SULT2A1: variants seen among roughly 807,000 people sequenced by gnomAD.
The protein encoded by SULT2A1 is sulfotransferase family 2A member 1.
Under a neutral mutation model 33.9 loss-of-function variants are expected in SULT2A1, and 43 were observed. The ratio of observed to expected loss-of-function variants is 1.27; its 90% CI spans 1.00 to 1.64. The LOEUF is 1.64. Among genes scored for constraint, SULT2A1 ranks in the 40% most tolerant of loss-of-function variants. The pLI is 0.00. For synonymous variants in SULT2A1, 125 were observed against 113.6 expected, an observed-to-expected ratio of 1.10 and a Z score of -0.64; for missense variants, 300 against 335.1, an observed-to-expected ratio of 0.90 and a Z score of 0.82.
intron 4 of SULT2A1, 128 bp from the exon 5 acceptor site, chr19:47,874,962 G>C (rs296362): frequency 0.73 from 551,882 of 755,574 alleles, 201,997 homozygotes; most frequent in Admixed American, 0.83. Context: ...AGGAGTTCGA[G>C]ACTAGCCTGG....
chr19:47,880,628 C>T (rs1481236627), intron 3 of SULT2A1, among the ~76,000 whole-genome samples: 1 of 151,340 alleles, frequency 6.6e-6, no homozygotes, highest in Non-Finnish European at 1.5e-5. Context: ...ACTCTGTCAC[C>T]CAGGCTGTAG....
At chr19:47,876,991 C>A (rs986446736) in intron 4 of SULT2A1, among the ~76,000 whole-genome samples, 2 of 148,386 alleles carry the variant, frequency 1.3e-5, no homozygotes, top group East Asian at 4.1e-4. Context: ...GCAGAAGAAT[C>A]GCTTGAACCC....
At chr19:47,879,367 G>A (rs1968579921) in intron 3 of SULT2A1, among the ~76,000 whole-genome samples, 1 of 152,164 alleles carries the variant, frequency 6.6e-6, no homozygotes, top group South Asian at 2.1e-4. Flanking sequence ...CTGCTGTGAA[G>A]AACTGCCCAA....
intron 3 of SULT2A1, among the ~76,000 whole-genome samples, chr19:47,881,756 A>G (rs568422950): frequency 6.6e-6 from 1 of 152,242 alleles, no homozygotes; most frequent in South Asian, 2.1e-4. Flanking sequence ...GCGGAAGGTC[A>G]GGATTGTGTT....
chr19:47,886,277 G>A lies in SULT2A1; in HGVS notation c.-20C>T, dbSNP rs769820998. 322 of 1,613,138 alleles carry A rather than the reference G, an allele frequency of 2.0e-4. No individual in the cohort carries two copies. Among genetic ancestry groups the A allele is most frequent in the Non-Finnish European group, 2.6e-4 (303 of 1,179,538 alleles). On this transcript the variant is annotated 5_prime_UTR_variant, in exon 1 of 6. It adds an upstream start codon to the 5' untranslated region. Coordinates refer to ENST00000222002, the MANE Select transcript of SULT2A1 (RefSeq NM_003167.4). Reference sequence around the variant, plus strand: ...CGACATGATGATGACCTCTTCCTGCGTGGTGTGAGGGTTTCAACTGTAGCC... The same window carrying A: ...CGACATGATGATGACCTCTTCCTGCATGGTGTGAGGGTTTCAACTGTAGCC...
chr19:47,879,901 C>T (rs1392272026), intron 3 of SULT2A1, among the ~76,000 whole-genome samples: 3 of 150,196 alleles, frequency 2.0e-5, no homozygotes, highest in Non-Finnish European at 4.4e-5. Flanking sequence ...ACGTTGTGCA[C>T]ATGTACCCTA....
chr19:47,874,764 A>C lies in SULT2A1; in HGVS notation c.638T>G (p.Leu213Ter). 1 of 1,614,110 alleles carries C rather than the reference A, an allele frequency of 6.2e-7. No individual in the cohort carries two copies. The change falls in exon 5 of 6, where the codon TTA becomes TGA. Residue 213 changes from leucine to a stop codon, truncating the protein, a stop_gained. Coordinates refer to ENST00000222002, the MANE Select transcript of SULT2A1 (RefSeq NM_003167.4). LOFTEE classifies it high-confidence loss of function. ...GKTLEPEELN[L>*]ILKNSSFQSM... Reference sequence around the variant, plus strand: ...CTGAAAGGAGCTGTTCTTGAGAATTAAGTTCAGTTCTTCGGGTTCTAACGT... The same window carrying C: ...CTGAAAGGAGCTGTTCTTGAGAATTCAGTTCAGTTCTTCGGGTTCTAACGT...
intron 3 of SULT2A1, among the ~76,000 whole-genome samples, chr19:47,880,251 A>AC (rs1336254427): frequency 6.6e-6 from 1 of 150,558 alleles, no homozygotes; most frequent in Non-Finnish European, 1.5e-5. Context: ...AAAAAAAAAA[A>AC]AAAAAAACCT....
chr19:47,873,046 G>A (rs1968507855), intron 5 of SULT2A1, among the ~76,000 whole-genome samples: 1 of 151,896 alleles, frequency 6.6e-6, no homozygotes, highest in Non-Finnish European at 1.5e-5. Context: ...ACAGGCGTGA[G>A]CCACCGTACC....
At chr19:47,879,767 C>T (rs1323708749) in intron 3 of SULT2A1, among the ~76,000 whole-genome samples, 3 of 112,490 alleles carry the variant, frequency 2.7e-5, no homozygotes, top group South Asian at 5.6e-4. Context: ...CATCACACAC[C>T]GGGGCCTGTC....
intron 2 of SULT2A1, among the ~76,000 whole-genome samples, chr19:47,882,498 G>A (rs1968613399): frequency 6.6e-6 from 1 of 152,238 alleles, no homozygotes; most frequent in South Asian, 2.1e-4. Context: ...GGTGAGTGAT[G>A]TATATTTGTG....
chr19:47,876,954 G>A (rs922155161), intron 4 of SULT2A1, among the ~76,000 whole-genome samples: 1 of 149,752 alleles, frequency 6.7e-6, no homozygotes, highest in South Asian at 2.1e-4. Flanking sequence ...GCGTGCATCT[G>A]TAGTCCCAGC....
chr19:47,876,091 C>T (rs1968541301), intron 4 of SULT2A1, among the ~76,000 whole-genome samples: 2 of 152,200 alleles, frequency 1.3e-5, no homozygotes, highest in South Asian at 4.1e-4. Context: ...TCTCAGCTCA[C>T]TGCAACCTCC....
Position 47,882,088 on chromosome 19 carries a change from T to G in SULT2A1, c.468A>C (p.Gly156=), listed in dbSNP as rs146540182. 1.5e-5 allele frequency: 24 copies of G among 1,613,656 alleles called. No individual in the cohort carries two copies. The East Asian group carries it at 5.1e-4, about 34-fold the overall frequency. ...WEEYFEWFCQ[G]TVLYGSWFDH... ...CATATTTTGTGAAACACTCACCAGT[T>G]CCTTGACAAAACCATTCAAAATATT... The change falls in exon 3 of 6, where the codon GGA becomes GGC. Residue 156 remains glycine, a synonymous_variant. Transcript: ENST00000222002.
chr19:47,883,513 A>C, intron 2 of SULT2A1, 64 bp downstream of exon 2: 1 of 1,482,646 alleles, frequency 6.7e-7, no homozygotes, highest in Non-Finnish European at 9.4e-7. Flanking sequence ...TCTCCAGATG[A>C]CTTATAGGCA....
intron 1 of SULT2A1, among the ~76,000 whole-genome samples, chr19:47,884,570 G>A (rs1273583292): frequency 6.7e-6 from 1 of 149,870 alleles, no homozygotes; most frequent in Non-Finnish European, 1.5e-5. Context: ...CCTTGAACTC[G>A]GGCTCAAGTG....
At chr19:47,883,482 G>A in intron 2 of SULT2A1, 95 bp downstream of exon 2, 4 of 1,243,820 alleles carry the variant, frequency 3.2e-6, no homozygotes, top group South Asian at 1.3e-5. Context: ...ACCTGTTGAA[G>A]GAGAATGCAT....
chr19:47,885,627 C>T (rs1652863426), intron 1 of SULT2A1, among the ~76,000 whole-genome samples: 1 of 152,152 alleles, frequency 6.6e-6, no homozygotes. Flanking sequence ...ATCCGCAGTG[C>T]TCTTACCGCC....
intron 4 of SULT2A1, 88 bp downstream of exon 4, chr19:47,878,948 A>AT: frequency 1.2e-6 from 1 of 854,258 alleles, no homozygotes; most frequent in South Asian, 1.4e-5. Context: ...AGAGGGTGGA[A>AT]TGAAGACACA....
Sources: gnomAD v4.1 joint callset for allele counts (sites outside exome capture counted in the v4.1 genomes callset) on GRCh38, gnomAD v4.1.1 for gene constraint, MANE v1.5 for transcripts, NCBI Gene and HGNC (gene_info 2026-07-23, HGNC 2026-07-21) for gene names.